BCAS2: variants seen among roughly 807,000 people sequenced by gnomAD.
BCAS2 encodes the protein pre-mRNA-splicing factor SPF27.
A neutral mutation model predicts 35.3 loss-of-function variants in BCAS2; 34 were observed. That is an observed-to-expected ratio of 0.96 (90% CI 0.73 to 1.28). BCAS2 has a LOEUF of 1.28. BCAS2 is among the 50% of genes most tolerant of loss of function. BCAS2 has a pLI of 0.00. For missense variants in BCAS2, 221 were observed against 268.1 expected (o/e 0.82, Z 1.23); for synonymous variants, 75 against 91.6 (o/e 0.82, Z 1.03).
chr1:114,570,117 A>G (rs1654609025), intron 5 of BCAS2, 45 bp from the exon 6 acceptor site: 3 of 1,319,510 alleles, frequency 2.3e-6, no homozygotes, highest in African/African-American at 1.5e-5. Flanking sequence ...TTAATGTAAG[A>G]CCTAAATCAA....
At chr1:114,576,581 C>T in intron 3 of BCAS2, 107 bp downstream of exon 3, 2 of 913,002 alleles carry the variant, frequency 2.2e-6, no homozygotes, top group Non-Finnish European at 3.3e-6. Flanking sequence ...AGCCACCACA[C>T]CCGGCCAACA....
chr1:114,573,757 C>G (rs1654698977), intron 4 of BCAS2, among the ~76,000 whole-genome samples: 1 of 152,134 alleles, frequency 6.6e-6, no homozygotes, highest in African/African-American at 2.4e-5. Context: ...TTTTTCCCCC[C>G]TTGCAATATA....
intron 4 of BCAS2, among the ~76,000 whole-genome samples, chr1:114,571,419 G>T (rs560931313): frequency 6.6e-6 from 1 of 152,220 alleles, no homozygotes; most frequent in African/African-American, 2.4e-5. Context: ...CTGGAGTGTA[G>T]TGGTGCAATC....
intron 2 of BCAS2, among the ~76,000 whole-genome samples, chr1:114,578,899 G>C (rs1469211561): frequency 1.3e-5 from 2 of 152,136 alleles, no homozygotes; most frequent in Non-Finnish European, 2.9e-5. Flanking sequence ...AAAAAATGGG[G>C]ATAGCAAACA....
intron 2 of BCAS2, among the ~76,000 whole-genome samples, chr1:114,580,552 T>C (rs575770230): frequency 6.6e-6 from 1 of 152,364 alleles, no homozygotes; most frequent in South Asian, 2.1e-4. Flanking sequence ...ATACATACTA[T>C]TGTAAACTTT....
rs1248043997 is a variant in BCAS2, at chr1:114,575,164, G to A, written c.419+426C>T. Among the ~76,000 whole-genome samples, 6 of 140,958 alleles carry A rather than the reference G, an allele frequency of 4.3e-5. No individual in the cohort carries two copies. In the South Asian group the frequency reaches 6.9e-4, roughly 16 times the overall value. 92.5% of individuals were successfully genotyped at this position (140,958 alleles called of 152,430 possible). ...TGGGATTACAGGTGTAAACCACCGC[G>A]CCCGGCTTTTCTTTTTCTTTTCTTT... On this transcript the variant is annotated intron_variant, in intron 4 of 6. Coordinates refer to ENST00000369541, the MANE Select transcript of BCAS2 (RefSeq NM_005872.3).
intron 6 of BCAS2, among the ~76,000 whole-genome samples, chr1:114,569,516 T>A (rs1269359078): frequency 6.6e-6 from 1 of 152,088 alleles, no homozygotes; most frequent in Admixed American, 6.6e-5. Context: ...CCTTTTTTTT[T>A]TTTTAAAGAC....
At position 114,579,543 on chromosome 1, in the gene BCAS2, ACGTT is replaced by A. The variant is rs376447664; in HGVS notation, c.186+1752_186+1755del. 2.0e-5 allele frequency among the ~76,000 whole-genome samples: 3 copies of A among 152,310 alleles called. No homozygotes were observed. The East Asian group carries it at 5.8e-4, about 29-fold the overall frequency. On this transcript the variant is annotated intron_variant, in intron 2 of 6. Coordinates refer to ENST00000369541, the MANE Select transcript of BCAS2 (RefSeq NM_005872.3). ...ATATTTAGAAAAAGCATAGGAAAACACGTTCATAGGAACATACGTCTTCTACTTA... is the reference window on the plus strand; with the variant it reads ...ATATTTAGAAAAAGCATAGGAAAACACATAGGAACATACGTCTTCTACTTA...
intron 3 of BCAS2, among the ~76,000 whole-genome samples, chr1:114,576,302 A>G (rs1009224197): frequency 4.7e-5 from 7 of 149,548 alleles, no homozygotes; most frequent in Non-Finnish European, 1.0e-4. Flanking sequence ...TCTGTCCCCA[A>G]CGCTGGAGTG....
Position 114,567,830 on chromosome 1 carries a change from T to C in BCAS2, c.*300A>G, listed in dbSNP as rs1370591617. Reference sequence around the variant, plus strand: ...AAAGCTTTAAATAAGGATCCTTGGATACAAAATATGGTCCACATGGCTGAA... The same window carrying C: ...AAAGCTTTAAATAAGGATCCTTGGACACAAAATATGGTCCACATGGCTGAA... On this transcript the variant is annotated 3_prime_UTR_variant, in exon 7 of 7. Transcript: ENST00000369541. 8.8e-6 allele frequency: 2 copies of C among 227,312 alleles called. No individual in the cohort carries two copies. Among genetic ancestry groups the C allele is most frequent in the Non-Finnish European group, 1.7e-5 (2 of 117,534 alleles). 14.1% of individuals were successfully genotyped at this position (227,312 alleles called of 1,614,324 possible).
At chr1:114,581,185 AG>A in intron 2 of BCAS2, 113 bp downstream of exon 2, 1 of 1,005,824 alleles carries the variant, frequency 9.9e-7, no homozygotes, top group Non-Finnish European at 1.6e-6. Flanking sequence ...ACACCTATAC[AG>A]TAGGTAAGTA....
chr1:114,579,384 G>GA (rs1316854252), intron 2 of BCAS2, among the ~76,000 whole-genome samples: 1 of 152,180 alleles, frequency 6.6e-6, no homozygotes, highest in East Asian at 1.9e-4. Context: ...AAGAGAGAAG[G>GA]AAAAAAACTG....
At chr1:114,581,203 A>G (rs1424493060) in intron 2 of BCAS2, 96 bp downstream of exon 2, 1 of 1,226,476 alleles carries the variant, frequency 8.2e-7, no homozygotes, top group Non-Finnish European at 1.2e-6. Context: ...AGTAGTAGCT[A>G]TGCAGGCAAT....
rs777655329 is a variant in BCAS2 at position 114,568,144 on chromosome 1, G to A, written c.664C>T (p.Arg222Trp). Residue 222 changes from arginine (R) to tryptophan (W), a missense_variant, in exon 7 of 7, where the codon CGG (arginine) becomes TGG (tryptophan). Transcript: ENST00000369541. Reference protein sequence around the residue: ...QHGEANKENIRQDF With the variant: ...QHGEANKENIWQDF ...AAATTGTCTTTTCAGAAGTCTTGCC[G>A]GATGTTTTCTTTGTTTGCCTCTCCA... The A allele has an allele frequency of 5.0e-6, 8 of 1,612,444 alleles. No individual in the cohort carries two copies. The highest frequency in any genetic ancestry group is 2.2e-5 in the East Asian group (1 of 44,852).
chr1:114,578,477 T>C (rs186092268), intron 2 of BCAS2, among the ~76,000 whole-genome samples: 14 of 152,282 alleles, frequency 9.2e-5, no homozygotes, highest in African/African-American at 3.1e-4. Context: ...CTTAACTAAC[T>C]CACATGCTCA....
intron 6 of BCAS2, among the ~76,000 whole-genome samples, chr1:114,569,477 C>T (rs573865352): frequency 6.6e-6 from 1 of 151,832 alleles, no homozygotes; most frequent in East Asian, 1.9e-4. Flanking sequence ...AATCTCCCTC[C>T]CTACAAGATT....
intron 6 of BCAS2, among the ~76,000 whole-genome samples, chr1:114,568,581 G>A (rs2101625216): frequency 6.6e-6 from 1 of 151,648 alleles, no homozygotes; most frequent in East Asian, 1.9e-4. Flanking sequence ...TGGCCAGGCT[G>A]GTCTCAAACT....
At chr1:114,570,108 T>C (rs912558515) in intron 5 of BCAS2, 36 bp from the exon 6 acceptor site, 12 of 1,415,148 alleles carry the variant, frequency 8.5e-6, no homozygotes, top group Admixed American at 1.8e-5. Context: ...AATTACATTT[T>C]AATGTAAGAC....
rs560577825 is a variant in BCAS2 at position 114,573,187 on chromosome 1, A to T, written c.419+2403T>A. ...ACCTTGCAGGTAATAGGGAATTATTAAAGGTTTTCAGGTAAGTTGACAGCA... is the reference window on the plus strand; with the variant it reads ...ACCTTGCAGGTAATAGGGAATTATTTAAGGTTTTCAGGTAAGTTGACAGCA... On this transcript the variant is annotated intron_variant, in intron 4 of 6. Coordinates refer to ENST00000369541, the MANE Select transcript of BCAS2 (RefSeq NM_005872.3). Among the ~76,000 whole-genome samples the T allele has an allele frequency of 8.8e-5, 13 of 147,734 alleles. No homozygotes were observed. The East Asian group carries it at 2.2e-3, about 25-fold the overall frequency.
Sources: gnomAD v4.1 joint callset for allele counts (sites outside exome capture counted in the v4.1 genomes callset) on GRCh38, gnomAD v4.1.1 for gene constraint, MANE v1.5 for transcripts, NCBI Gene and HGNC (gene_info 2026-07-23, HGNC 2026-07-21) for gene names.